The following TTC3 variants were observed in gnomAD, a reference collection of about 807,000 sequenced individuals.
The protein encoded by TTC3 is E3 ubiquitin-protein ligase TTC3.
TTC3 carries 180 observed loss-of-function variants against 249.6 expected under a neutral mutation model. The observed-to-expected ratio is 0.72, with a 90% CI of 0.64 to 0.82. The LOEUF (loss-of-function observed/expected upper bound fraction) is 0.82, where lower values mean the gene tolerates loss of function less well. Among genes scored for constraint, TTC3 ranks in the 40% least tolerant of loss-of-function variants. The pLI is 0.00. For missense variants in TTC3, 2,061 were observed against 2,398.4 expected, an observed-to-expected ratio of 0.86 and a Z score of 2.94; for synonymous variants, 717 against 805.0, an observed-to-expected ratio of 0.89 and a Z score of 1.85.
At chr21:37,094,055 G>A in exon 8 of TTC3, 1 of 1,607,988 alleles carries the variant, frequency 6.2e-7, no homozygotes, top group Non-Finnish European at 8.5e-7. Context: ...TTTGCTTGAA[G>A]AACTTAAAAC....
chr21:37,144,388 A>G, intron 20 of TTC3, 137 bp from the exon 21 acceptor site: 2 of 1,020,442 alleles, frequency 2.0e-6, no homozygotes, highest in Non-Finnish European at 2.7e-6. Flanking sequence ...AAGAAAATTT[A>G]GGTTACATTG....
intron 10 of TTC3, chr21:37,108,084 C>CA (rs751291295): frequency 9.5e-4 from 186 of 195,614 alleles, no homozygotes; most frequent in South Asian, 9.4e-3. Flanking sequence ...GACTCTGTCT[C>CA]AAAAAAAACA....
chr21:37,098,324 C>G (rs1012941852), intron 10 of TTC3: 2 of 174,776 alleles, frequency 1.1e-5, no homozygotes, highest in African/African-American at 4.7e-5. Flanking sequence ...TTTCCACTTT[C>G]CACTTCTGAG....
At chr21:37,139,346 A>G (rs2078228419) in intron 19 of TTC3, among the ~76,000 whole-genome samples, 1 of 152,136 alleles carries the variant, frequency 6.6e-6, no homozygotes, top group African/African-American at 2.4e-5. Context: ...CAGGATTTCC[A>G]TTAGTCATGC....
intron 5 of TTC3, among the ~76,000 whole-genome samples, chr21:37,089,747 C>T (rs932254285): frequency 5.3e-5 from 8 of 152,094 alleles, no homozygotes; most frequent in Admixed American, 4.6e-4. Context: ...CTCCTGACCT[C>T]AGATGATCCA....
chr21:37,186,259 G>C (rs2083260240), intron 37 of TTC3, among the ~76,000 whole-genome samples: 1 of 152,060 alleles, frequency 6.6e-6, no homozygotes, highest in Non-Finnish European at 1.5e-5. Context: ...AGTACATTCA[G>C]TGATAAGCAG....
intron 20 of TTC3, among the ~76,000 whole-genome samples, chr21:37,143,649 T>G (rs1191591588): frequency 6.6e-6 from 1 of 151,428 alleles, no homozygotes; most frequent in African/African-American, 2.4e-5. Context: ...TTGGTGGGAC[T>G]GTAAACTAGT....
At chr21:37,109,803 G>A (rs1323528132) in intron 11 of TTC3, among the ~76,000 whole-genome samples, 8 of 152,346 alleles carry the variant, frequency 5.3e-5, no homozygotes, top group South Asian at 2.1e-4. Flanking sequence ...TAACTGGGAG[G>A]CACCCCCCAG....
At chr21:37,173,366 C>CAT (rs1431850200) in intron 35 of TTC3, among the ~76,000 whole-genome samples, 1 of 152,214 alleles carries the variant, frequency 6.6e-6, no homozygotes, top group African/African-American at 2.4e-5. Flanking sequence ...GAGCCTTAGA[C>CAT]ATACTAGAAC....
intron 21 of TTC3, 64 bp downstream of exon 21, chr21:37,144,709 G>A (rs1230511698): frequency 1.1e-5 from 17 of 1,557,470 alleles, no homozygotes; most frequent in African/African-American, 1.4e-5. Flanking sequence ...ACTGACTCAG[G>A]TATCAGGAGG....
intron 28 of TTC3, chr21:37,157,138 A>G (rs2080179126): frequency 1.4e-6 from 2 of 1,437,346 alleles, no homozygotes; most frequent in Non-Finnish European, 1.9e-6. Flanking sequence ...TGCTAACAAT[A>G]CACAATGTTC....
chr21:37,089,907 C>T (rs997489161), intron 5 of TTC3, among the ~76,000 whole-genome samples: 1 of 151,940 alleles, frequency 6.6e-6, no homozygotes, highest in Non-Finnish European at 1.5e-5. Flanking sequence ...ATTGCTTGAG[C>T]CTGGGACGTG....
chr21:37,120,943 C>T (rs1240041656), intron 11 of TTC3, among the ~76,000 whole-genome samples: 1 of 152,082 alleles, frequency 6.6e-6, no homozygotes, highest in Non-Finnish European at 1.5e-5. Flanking sequence ...TGGTTTGCCT[C>T]TTAAGTAAGT....
chr21:37,152,225 A>G (rs187086575), intron 26 of TTC3, among the ~76,000 whole-genome samples, 196 bp downstream of exon 26: 12 of 152,258 alleles, frequency 7.9e-5, no homozygotes, highest in Admixed American at 6.5e-4. Flanking sequence ...AACCTTTCAG[A>G]GATTGTATTC....
intron 10 of TTC3, among the ~76,000 whole-genome samples, chr21:37,106,601 T>C (rs987801677): frequency 2.0e-5 from 3 of 152,176 alleles, no homozygotes; most frequent in African/African-American, 7.2e-5. Flanking sequence ...AAGATTCATA[T>C]GGGCCAGGTG....
intron 11 of TTC3, among the ~76,000 whole-genome samples, chr21:37,111,962 G>A (rs908659935): frequency 3.5e-5 from 5 of 141,020 alleles, no homozygotes; most frequent in East Asian, 2.0e-4. Context: ...GGGTACTTAC[G>A]AAATGAAGGC....
At chr21:37,097,223 A>G (rs7277657) in intron 10 of TTC3, among the ~76,000 whole-genome samples, 68,999 of 151,984 alleles carry the variant, frequency 0.45, 16,215 homozygotes, top group Non-Finnish European at 0.52. Flanking sequence ...GTTTTTATTT[A>G]TTAGCTAAGA....
chr21:37,103,548 G>A (rs2074735313), intron 10 of TTC3, among the ~76,000 whole-genome samples: 1 of 152,126 alleles, frequency 6.6e-6, no homozygotes, highest in South Asian at 2.1e-4. Context: ...GCCAGTAAAT[G>A]TGAAATTTTA....
intron 20 of TTC3, 139 bp from the exon 21 acceptor site, chr21:37,144,386 T>C (rs895561513): frequency 9.9e-7 from 1 of 1,012,346 alleles, no homozygotes; most frequent in East Asian, 2.8e-5. Flanking sequence ...TAAAGAAAAT[T>C]TAGGTTACAT....
Sources: gnomAD v4.1 joint callset for allele counts (sites outside exome capture counted in the v4.1 genomes callset) on GRCh38, gnomAD v4.1.1 for gene constraint, MANE v1.5 for transcripts, NCBI Gene and HGNC (gene_info 2026-07-23, HGNC 2026-07-21) for gene names.